ZNF462: variants seen among roughly 807,000 people sequenced by gnomAD.
ZNF462 encodes the protein zinc finger PBX1-interacting protein.
In ZNF462, 10 loss-of-function variants were observed where a neutral mutation model predicts 201.9. The observed-to-expected ratio is 0.05, with a 90% CI of 0.03 to 0.08. ZNF462 has a LOEUF of 0.08. Among genes scored for constraint, ZNF462 ranks in the 10% least tolerant of loss-of-function variants. The probability of loss-of-function intolerance (pLI) is 1.00; values close to 1 mark genes in which losing one functional copy is unlikely to be tolerated. For synonymous variants in ZNF462, 1,227 were observed against 1,193.3 expected (o/e 1.03, Z -0.58); for missense variants, 2,523 against 3,168.3 (o/e 0.80, Z 4.89).
intron 1 of ZNF462, among the ~76,000 whole-genome samples, chr9:106,907,436 T>C (rs1829318447): frequency 7.0e-6 from 1 of 143,528 alleles, no homozygotes; most frequent in South Asian, 2.2e-4. Context: ...ATATTGTTTC[T>C]TCTTGGATTA....
At position 106,938,921 on chromosome 9, in the gene ZNF462, C is replaced by G; in HGVS notation, c.6241C>G (p.His2081Asp). 6.2e-7 allele frequency: 1 copy of G among 1,604,804 alleles called. No homozygotes were observed. The highest frequency in any genetic ancestry group is 8.5e-7 in the Non-Finnish European group (1 of 1,175,556). Residue 2081 changes from histidine (H) to aspartate (D), a missense_variant, in exon 7 of 13, where the codon CAT (histidine) becomes GAT (aspartate). This residue lies in a region of ZNF462 where 138 missense variants were observed against 146.3 expected (regional missense o/e 0.94). Transcript: ENST00000277225. This position sits in a 1 kb window ranked among gnomAD's most constrained non-coding sequence, Gnocchi z 4.4. ...TTGTCACCATCCTCTTCCAGGTGAG[C>G]ATGCCTACAAGTGTTCTTGGTGCTC... is the stretch of plus-strand genomic sequence containing the variant. ...THILKAHAGEHAYKCSWCSFS... is the reference protein window; with the variant it reads ...THILKAHAGEDAYKCSWCSFS...
chr9:106,916,464 A>AG (rs1564095827), intron 1 of ZNF462, among the ~76,000 whole-genome samples: 1 of 152,180 alleles, frequency 6.6e-6, no homozygotes, highest in Admixed American at 6.5e-5. Context: ...TTGTAATGAG[A>AG]GTTCTTGTGT....
rs1223923635 is a variant in ZNF462, at chr9:106,933,284, G to T, written c.6116+735G>T. 1.3e-5 allele frequency: 2 copies of T among 152,448 alleles called. No homozygotes were observed. The highest frequency in any genetic ancestry group is 2.9e-5 in the Non-Finnish European group (2 of 68,308). The allele number at this position is 152,448 out of a possible 1,614,324, so 9.4% of individuals were successfully genotyped here. Reference sequence around the variant, plus strand: ...AATTTTTTTAATGAAATAAATGATGGACTATTTGCTTCTTACAAAAGATAA... The same window carrying T: ...AATTTTTTTAATGAAATAAATGATGTACTATTTGCTTCTTACAAAAGATAA... On this transcript the variant is annotated intron_variant, in intron 5 of 12. Coordinates refer to ENST00000277225, the MANE Select transcript of ZNF462 (RefSeq NM_021224.6). This position sits in a 1 kb window ranked among gnomAD's most constrained non-coding sequence, Gnocchi z 4.3.
intron 1 of ZNF462, among the ~76,000 whole-genome samples, chr9:106,907,925 T>C (rs1372605463): frequency 6.6e-6 from 1 of 152,086 alleles, no homozygotes; most frequent in African/African-American, 2.4e-5. Context: ...AAAGTCATAC[T>C]CTACTGGTGA....
intron 1 of ZNF462, 48 bp downstream of exon 1, chr9:106,863,403 G>A: frequency 2.5e-6 from 1 of 393,630 alleles, no homozygotes; most frequent in Non-Finnish European, 4.5e-6. Flanking sequence ...CGAGTGCTCC[G>A]GGGAAGAGAG....
At position 107,012,285 on chromosome 9, in the gene ZNF462, A is replaced by G. The variant is rs1829963139; in HGVS notation, c.*1255A>G. The G allele has an allele frequency of 6.6e-6, 1 of 151,246 alleles. No individual in the cohort carries two copies. The highest frequency in any genetic ancestry group is 1.5e-5 in the Non-Finnish European group (1 of 67,850). 9.4% of individuals were successfully genotyped at this position (151,246 alleles called of 1,614,324 possible). A position where few individuals can be genotyped will look rare whatever the true frequency, so the allele number is the denominator to read the frequency against. On this transcript the variant is annotated 3_prime_UTR_variant, in exon 13 of 13. Transcript: ENST00000277225. ...TGGCTGGCTTTTGTGTGTGATTTTA[A>G]AATCTGTGTTTTGTTTCTGCTGGCA... is the stretch of plus-strand genomic sequence containing the variant.
rs2132819578 is a variant in ZNF462 at position 107,010,939 on chromosome 9, T to C, written c.7430T>C (p.Ile2477Thr). Residue 2477 changes from isoleucine (I) to threonine (T), a missense_variant, in exon 13 of 13, where the codon ATA becomes ACA. Coordinates refer to ENST00000277225, the MANE Select transcript of ZNF462 (RefSeq NM_021224.6). The surrounding 1 kb of genome is among the most constrained non-coding windows in gnomAD (Gnocchi z 4.6). ...EEKEDDEAIG[I>T]DFSLKNETVA... ...AAGGAAGATGACGAGGCCATTGGGATAGACTTTTCCCTAAAGAATGAAACA... is the reference window on the plus strand; with the variant it reads ...AAGGAAGATGACGAGGCCATTGGGACAGACTTTTCCCTAAAGAATGAAACA... 1 of 1,613,722 alleles carries C rather than the reference T, an allele frequency of 6.2e-7. No individual in the cohort carries two copies. The highest frequency in any genetic ancestry group is 1.1e-5 in the South Asian group (1 of 91,066).
rs61405127 is a variant in ZNF462, at chr9:106,905,923, C to T, written c.-30-17431C>T. Among the ~76,000 whole-genome samples the T allele has an allele frequency of 2.5e-3, 376 of 152,302 alleles. 4 individuals carry two copies. The highest frequency in any genetic ancestry group is 8.8e-3 in the African/African-American group (366 of 41,564). The stretch of plus-strand genomic sequence containing the variant: ...GTTCTGGCCAGGAGGCTTCTCACCA[C>T]GTTTAAATTGTTACAAAGTTCAGCT... On this transcript the variant is annotated intron_variant, in intron 1 of 12. Coordinates refer to ENST00000277225, the MANE Select transcript of ZNF462 (RefSeq NM_021224.6). The surrounding 1 kb of genome is among the most constrained non-coding windows in gnomAD (Gnocchi z 5.9).
intron 1 of ZNF462, among the ~76,000 whole-genome samples, chr9:106,914,369 A>G (rs1829681416): frequency 6.6e-6 from 1 of 152,218 alleles, no homozygotes; most frequent in African/African-American, 2.4e-5. Flanking sequence ...AATGCTTAGC[A>G]GTATCCATAG....
chr9:106,990,726 C>G (rs765826353), intron 10 of ZNF462, among the ~76,000 whole-genome samples: 12 of 152,068 alleles, frequency 7.9e-5, no homozygotes, highest in Middle Eastern at 3.4e-3. Context: ...ATGTTTGTCT[C>G]AATTGTTAGG....
Position 106,928,605 on chromosome 9 carries a change from G to A in ZNF462, c.4693G>A (p.Glu1565Lys). The A allele has an allele frequency of 1.2e-6, 2 of 1,614,166 alleles. No individual in the cohort carries two copies. Among genetic ancestry groups the A allele is most frequent in the Non-Finnish European group, 1.7e-6 (2 of 1,180,046 alleles). The stretch of plus-strand genomic sequence containing the variant: ...TGACATATCCCAGAATGACGTGGAG[G>A]AGACGAGCAGGATCTTCAAGCAAGG... ...SADISQNDVEETSRIFKQGYG... is the reference protein window; with the variant it reads ...SADISQNDVEKTSRIFKQGYG... The change falls in exon 3 of 13, where the codon GAG (glutamate) becomes AAG (lysine). Residue 1565 changes from glutamate to lysine, a missense_variant. Physicochemically the swap from Glu to Lys is moderately conservative, Grantham distance 56. Transcript: ENST00000277225. The surrounding 1 kb of genome is among the most constrained non-coding windows in gnomAD (Gnocchi z 9.3).
At chr9:106,907,061 T>G (rs558110814) in intron 1 of ZNF462, among the ~76,000 whole-genome samples, 1 of 152,272 alleles carries the variant, frequency 6.6e-6, no homozygotes, top group Admixed American at 6.5e-5. Flanking sequence ...ACTGATAAAA[T>G]TATTATTTTC....
chr9:106,943,059 CGTGTGT>C (rs3056311), intron 7 of ZNF462, among the ~76,000 whole-genome samples: 13 of 143,154 alleles, frequency 9.1e-5, no homozygotes, highest in Admixed American at 5.7e-4. Flanking sequence ...TTTGCGCGCG[CGTGTGT>C]GTGTGTGTGT....
At chr9:106,964,100 CCTGGCTATT>C (rs1294298125) in intron 7 of ZNF462, among the ~76,000 whole-genome samples, 1 of 151,774 alleles carries the variant, frequency 6.6e-6, no homozygotes, top group Non-Finnish European at 1.5e-5. Context: ...GCTTCTACCT[CCTGGCTATT>C]GTAACTAATG....
intron 1 of ZNF462, among the ~76,000 whole-genome samples, chr9:106,892,676 T>TCA (rs370233412): frequency 4.8e-5 from 7 of 147,364 alleles, no homozygotes; most frequent in East Asian, 2.0e-4. Context: ...AGGCATATAC[T>TCA]CACACACACA....
rs933737803 is a variant in ZNF462 at position 107,008,800 on chromosome 9, C to T, written c.7190-745C>T. On this transcript the variant is annotated intron_variant, in intron 11 of 12. Transcript: ENST00000277225. This position sits in a 1 kb window ranked among gnomAD's most constrained non-coding sequence, Gnocchi z 4.8. ...CAACTAAGTCAATATTTGATGTTTACAACAGACCGTCCAGAAATGTCTGCA... is the reference window on the plus strand; with the variant it reads ...CAACTAAGTCAATATTTGATGTTTATAACAGACCGTCCAGAAATGTCTGCA... Among the ~76,000 whole-genome samples, 2 of 152,192 alleles carry T rather than the reference C, an allele frequency of 1.3e-5. No individual in the cohort carries two copies. The highest frequency in any genetic ancestry group is 2.9e-5 in the Non-Finnish European group (2 of 68,028).
chr9:106,864,066 C>CTG (rs1827192251), intron 1 of ZNF462, among the ~76,000 whole-genome samples: 2 of 113,030 alleles, frequency 1.8e-5, no homozygotes, highest in African/African-American at 3.6e-5. Flanking sequence ...CTCTCTCTCT[C>CTG]TCTCTCTCTC....
rs980811513 is a variant in ZNF462 at position 106,966,251 on chromosome 9, A to T, written c.6428-5754A>T. Among the ~76,000 whole-genome samples the T allele has an allele frequency of 6.6e-6, 1 of 152,008 alleles. No individual in the cohort carries two copies. The highest frequency in any genetic ancestry group is 2.4e-5 in the African/African-American group (1 of 41,396). ...CAACCTACCCCACCCTCTGATGTAC[A>T]TGTTTTTCTGTTCAGACTCATCATT... On this transcript the variant is annotated intron_variant, in intron 7 of 12. Coordinates refer to ENST00000277225, the MANE Select transcript of ZNF462 (RefSeq NM_021224.6). The surrounding 1 kb of genome is among the most constrained non-coding windows in gnomAD (Gnocchi z 4.4).
At chr9:106,982,753 G>A (rs1827539912) in intron 9 of ZNF462, among the ~76,000 whole-genome samples, 2 of 152,184 alleles carry the variant, frequency 1.3e-5, no homozygotes, top group African/African-American at 2.4e-5. Flanking sequence ...ATTAATCGCT[G>A]CCTTCAAGGA....
Sources: gnomAD v4.1 joint callset for allele counts (sites outside exome capture counted in the v4.1 genomes callset) on GRCh38, gnomAD v4.1.1 for gene constraint, gnomAD v4.1.1 regional missense constraint, Gnocchi (gnomAD v3.1) non-coding constraint, MANE v1.5 for transcripts, NCBI Gene and HGNC (gene_info 2026-07-23, HGNC 2026-07-21) for gene names.